Variants in PHYKPL observed in about 807,000 individuals in gnomAD.
PHYKPL encodes the protein 5-phosphonooxy-L-lysine phospho-lyase.
In PHYKPL, 42 loss-of-function variants were observed where a neutral mutation model predicts 51.3. The ratio of observed to expected loss-of-function variants is 0.82; its 90% CI spans 0.64 to 1.06. The LOEUF is 1.06. PHYKPL is among the 50% of genes least tolerant of loss of function. The probability of loss-of-function intolerance (pLI) is 0.00; values close to 1 mark genes in which losing one functional copy is unlikely to be tolerated. For missense variants in PHYKPL, 655 were observed against 586.6 expected (o/e 1.12, Z -1.20); for synonymous variants, 264 against 236.0 (o/e 1.12, Z -1.09).
chr5:178,211,849 C>G, intron 12 of PHYKPL, 41 bp downstream of exon 12: 1 of 1,466,508 alleles, frequency 6.8e-7, no homozygotes, highest in Non-Finnish European at 9.5e-7. Context: ...GGTAAGGAAC[C>G]CGCTGTGCAT....
chr5:178,218,926 A>G (rs889667422), intron 8 of PHYKPL, among the ~76,000 whole-genome samples: 6 of 152,170 alleles, frequency 3.9e-5, no homozygotes, highest in African/African-American at 1.4e-4. Flanking sequence ...TTGAGCCAAC[A>G]TTTTACTCCT....
At chr5:178,223,796 A>T in intron 6 of PHYKPL, 1 of 286,992 alleles carries the variant, frequency 3.5e-6, no homozygotes, top group Non-Finnish European at 6.9e-6. Flanking sequence ...ACCGTAGGTA[A>T]CACACCTCTC....
At chr5:178,207,569 C>G (rs1309557566), downstream of PHYKPL, among the ~76,000 whole-genome samples, 1 of 152,026 alleles carries the variant, frequency 6.6e-6, no homozygotes, top group Non-Finnish European at 1.5e-5. Context: ...TTTAAGGTCT[C>G]AGAAGATCCT....
chr5:178,232,424 G>A, intron 1 of PHYKPL, 68 bp downstream of exon 1: 2 of 1,361,992 alleles, frequency 1.5e-6, no homozygotes, highest in Non-Finnish European at 1.9e-6. Flanking sequence ...GTGCGTGCGT[G>A]CGTCGTGCGT....
At chr5:178,229,008 C>T (rs1561744392) in intron 3 of PHYKPL, among the ~76,000 whole-genome samples, 1 of 152,134 alleles carries the variant, frequency 6.6e-6, no homozygotes, top group East Asian at 1.9e-4. Context: ...TTCGGTTCCT[C>T]AAGTGTGCTG....
intron 4 of PHYKPL, chr5:178,225,021 T>C (rs1762008801): frequency 1.8e-6 from 1 of 562,530 alleles, no homozygotes; most frequent in Non-Finnish European, 3.2e-6. Context: ...ATCTTAAATG[T>C]GTTGATATTG....
At chr5:178,214,996 C>A in intron 9 of PHYKPL, 111 bp from the exon 10 acceptor site, 1 of 978,508 alleles carries the variant, frequency 1.0e-6, no homozygotes. Flanking sequence ...GTGCAGGAGG[C>A]ACCTTCAGAA....
At chr5:178,209,539 C>A in intron 12 of PHYKPL, 1 of 1,068,494 alleles carries the variant, frequency 9.4e-7, no homozygotes, top group Non-Finnish European at 1.4e-6. Context: ...TGCTGTGCAG[C>A]AGGGGTGGGC....
At chr5:178,209,404 CAACCGAGGG>C (rs772987292) in intron 12 of PHYKPL, 117 of 1,614,158 alleles carry the variant, frequency 7.2e-5, no homozygotes, top group Non-Finnish European at 9.7e-5. Flanking sequence ...GTGGAAACCG[CAACCGAGGG>C]AACCGAGGCA....
intron 8 of PHYKPL, among the ~76,000 whole-genome samples, chr5:178,220,190 G>A (rs1432622502): frequency 1.1e-4 from 7 of 62,426 alleles, no homozygotes; most frequent in East Asian, 4.0e-4. Flanking sequence ...GTGAGACCCC[G>A]TTTCAAAAAA....
chr5:178,220,505 A>C (rs541790255), intron 8 of PHYKPL, among the ~76,000 whole-genome samples: 47 of 152,302 alleles, frequency 3.1e-4, no homozygotes, highest in Non-Finnish European at 6.0e-4. Flanking sequence ...TCAAAAAAAC[A>C]AAAACAAAAA....
chr5:178,215,349 T>C lies in PHYKPL; in HGVS notation c.1009A>G (p.Thr337Ala), dbSNP rs147900643. Reference protein sequence around the residue: ...LEKEQLQDHATSVGSFLMQLL... With the variant: ...LEKEQLQDHAASVGSFLMQLL... ...TGCATCAGGAAGCTGCCTACACTGG[T>C]GGCATGATCCTGGAGCTGCTCCTTC... The change falls in exon 9 of 13, where the codon ACC becomes GCC. Residue 337 changes from threonine to alanine, a missense_variant. Physicochemically the swap from Thr to Ala is moderately conservative, Grantham distance 58. Coordinates refer to ENST00000308158, the MANE Select transcript of PHYKPL (RefSeq NM_153373.4). 11 of 1,613,878 alleles carry C rather than the reference T, an allele frequency of 6.8e-6. No individual in the cohort carries two copies. Among genetic ancestry groups the C allele is most frequent in the African/African-American group, 4.0e-5 (3 of 74,894 alleles).
chr5:178,213,446 T>G (rs984670080), intron 10 of PHYKPL, among the ~76,000 whole-genome samples: 8 of 152,134 alleles, frequency 5.3e-5, no homozygotes, highest in African/African-American at 1.9e-4. Context: ...GTTTACGTGA[T>G]GTATATTGTT....
At chr5:178,225,244 G>T in intron 4 of PHYKPL, 111 bp downstream of exon 4, 2 of 1,258,422 alleles carry the variant, frequency 1.6e-6, no homozygotes, top group Non-Finnish European at 2.3e-6. Context: ...GTCTTCAGTA[G>T]CCCAGGCCCC....
At chr5:178,223,669 T>C (rs979849780) in intron 6 of PHYKPL, 4 of 347,916 alleles carry the variant, frequency 1.1e-5, no homozygotes, top group Non-Finnish European at 2.3e-5. Flanking sequence ...TCTGCTAACC[T>C]TTCTGGCCCC....
At chr5:178,213,247 C>G (rs1179605807) in intron 10 of PHYKPL, 144 bp from the exon 11 acceptor site, 1 of 1,144,358 alleles carries the variant, frequency 8.7e-7, no homozygotes, top group African/African-American at 1.5e-5. Context: ...GTCACCTCTC[C>G]CAGAGTCCTG....
At chr5:178,225,039 C>T (rs1762012878) in intron 4 of PHYKPL, 5 of 555,914 alleles carry the variant, frequency 9.0e-6, no homozygotes, top group East Asian at 2.9e-5. Context: ...TTGTCAGCCT[C>T]GGCTTTGTGC....
chr5:178,225,390 G>A lies in PHYKPL; in HGVS notation c.378C>T (p.His126=), dbSNP rs1196259914. The A allele has an allele frequency of 6.2e-7, 1 of 1,614,186 alleles. No individual in the cohort carries two copies. The highest frequency in any genetic ancestry group is 1.7e-5 in the Admixed American group (1 of 60,024). The part of the protein sequence containing the change: ...ANDLALRLAR[H]YTGHQDVVVL... ...CCACCACGTCCTGGTGTCCCGTGTA[G>A]TGGCGAGCCAGCCTCAGGGCCAGGT... is the stretch of plus-strand genomic sequence containing the variant. Residue 126 remains histidine (H), a synonymous_variant, in exon 4 of 13, where the codon CAC becomes CAT. Coordinates refer to ENST00000308158, the MANE Select transcript of PHYKPL (RefSeq NM_153373.4).
intron 9 of PHYKPL, 151 bp downstream of exon 9, chr5:178,215,125 A>G: frequency 7.8e-7 from 1 of 1,277,344 alleles, no homozygotes. Flanking sequence ...CCTCCCCAGG[A>G]GAGCCGTTTT....
Sources: gnomAD v4.1 joint callset for allele counts (sites outside exome capture counted in the v4.1 genomes callset) on GRCh38, gnomAD v4.1.1 for gene constraint, MANE v1.5 for transcripts, NCBI Gene and HGNC (gene_info 2026-07-23, HGNC 2026-07-21) for gene names.